Variants in ABCA13 observed in about 807,000 individuals in gnomAD.
ABCA13 encodes ATP binding cassette subfamily A member 13.
In ABCA13, 476 loss-of-function variants were observed where a neutral mutation model predicts 478.7. The ratio of observed to expected loss-of-function variants is 0.99; its 90% CI spans 0.92 to 1.07. ABCA13 has a LOEUF of 1.07. Ranked by LOEUF, ABCA13 falls within the 50% of genes least tolerant of loss-of-function variation. The pLI is 0.00. For synonymous variants in ABCA13, 2,252 were observed against 2,158.9 expected, an observed-to-expected ratio of 1.04 and a Z score of -1.20; for missense variants, 6,060 against 5,910.6, an observed-to-expected ratio of 1.03 and a Z score of -0.83.
At chr7:48,348,210 G>A (rs542748353) in intron 29 of ABCA13, among the ~76,000 whole-genome samples, 1 of 152,308 alleles carries the variant, frequency 6.6e-6, no homozygotes, top group African/African-American at 2.4e-5. Context: ...GGCCTCACTG[G>A]TGGGCCTTAC....
chr7:48,317,096 C>G (rs181393599), intron 26 of ABCA13, 61 bp from the exon 27 acceptor site: 27 of 1,537,610 alleles, frequency 1.8e-5, no homozygotes, highest in Non-Finnish European at 2.1e-5. Context: ...GAATGAATTT[C>G]CCTATTAACC....
At chr7:48,399,962 T>G (rs1260035443) in intron 38 of ABCA13, among the ~76,000 whole-genome samples, 4 of 152,216 alleles carry the variant, frequency 2.6e-5, no homozygotes, top group Non-Finnish European at 4.4e-5. Flanking sequence ...TTGTATGGTT[T>G]TCCATGTATT....
rs759121212 is a variant in ABCA13 at position 48,507,903 on chromosome 7, C to T, written c.13378C>T (p.Leu4460Phe). The change falls in exon 50 of 62, where the codon CTC (leucine) becomes TTC (phenylalanine). Residue 4460 changes from leucine to phenylalanine, a missense_variant. Coordinates refer to ENST00000435803, the MANE Select transcript of ABCA13 (RefSeq NM_152701.5). ...GAGCATCCGTCAGTGTGGAGTGGCC[C>T]TCTGCATCGTGCTGGGATTCTCCAT... ...LESIRQCGVA[L>F]CIVLGFSILS... The T allele has an allele frequency of 1.9e-6, 3 of 1,612,148 alleles. No individual in the cohort carries two copies. The highest frequency in any genetic ancestry group is 2.5e-6 in the Non-Finnish European group (3 of 1,179,266).
intron 42 of ABCA13, among the ~76,000 whole-genome samples, chr7:48,428,339 G>A (rs1356154017): frequency 6.6e-6 from 1 of 152,138 alleles, no homozygotes; most frequent in East Asian, 1.9e-4. Context: ...TTCAGCTTTT[G>A]TATGCAGCCT....
At chr7:48,367,734 A>G (rs1811896906) in intron 31 of ABCA13, 60 bp from the exon 32 acceptor site, 1 of 1,333,580 alleles carries the variant, frequency 7.5e-7, no homozygotes, top group Non-Finnish European at 1.1e-6. Context: ...AGAAAAATGT[A>G]AAAAATTAGT....
chr7:48,585,808 A>T (rs1017631784), intron 56 of ABCA13, among the ~76,000 whole-genome samples: 6 of 152,212 alleles, frequency 3.9e-5, no homozygotes, highest in African/African-American at 1.2e-4. Context: ...ATGAATCTAT[A>T]TTAATACTTC....
At chr7:48,422,201 C>CT (rs1348851779) in intron 41 of ABCA13, among the ~76,000 whole-genome samples, 1 of 146,910 alleles carries the variant, frequency 6.8e-6, no homozygotes, top group Non-Finnish European at 1.5e-5. Flanking sequence ...TTGTTTTTTT[C>CT]TTTTTTTTCT....
chr7:48,293,876 T>G (rs1182661157), intron 20 of ABCA13, among the ~76,000 whole-genome samples: 1 of 151,886 alleles, frequency 6.6e-6, no homozygotes, highest in Admixed American at 6.6e-5. Flanking sequence ...ACTTCTGGAG[T>G]CTTTCCAGAT....
At chr7:48,309,085 C>G (rs138634745) in intron 23 of ABCA13, among the ~76,000 whole-genome samples, 1 of 145,754 alleles carries the variant, frequency 6.9e-6, no homozygotes, top group Non-Finnish European at 1.5e-5. Context: ...TTCTGTTTCT[C>G]TGGAGGACCC....
At position 48,175,665 on chromosome 7, in the gene ABCA13, C is replaced by A. The variant is rs543172007; in HGVS notation, c.69+4113C>A. Among the ~76,000 whole-genome samples, 196 of 152,290 alleles carry A rather than the reference C, an allele frequency of 1.3e-3. 1 individual carries two copies. Among genetic ancestry groups the A allele is most frequent in the Admixed American group, 3.3e-3 (50 of 15,300 alleles). ...AGAACTCCTGACCTCAGGGGAGCCA[C>A]CCGCCTTGGCCTCCCCAAGTGGTGG... On this transcript the variant is annotated intron_variant, in intron 1 of 61. Transcript: ENST00000435803.
intron 2 of ABCA13, among the ~76,000 whole-genome samples, chr7:48,193,949 T>C (rs1286501960): frequency 9.0e-6 from 1 of 110,848 alleles, no homozygotes; most frequent in African/African-American, 3.4e-5. Context: ...ATAGTAATGA[T>C]GTGATCATTA....
At chr7:48,416,908 G>C (rs956688802) in intron 41 of ABCA13, among the ~76,000 whole-genome samples, 3 of 151,154 alleles carry the variant, frequency 2.0e-5, no homozygotes, top group African/African-American at 7.3e-5. Flanking sequence ...TTCTAAACCA[G>C]TCTTGGAATC....
intron 38 of ABCA13, among the ~76,000 whole-genome samples, chr7:48,400,985 A>C (rs1220943654): frequency 2.0e-5 from 3 of 152,256 alleles, no homozygotes; most frequent in African/African-American, 7.2e-5. Flanking sequence ...GGGGTGAGAC[A>C]CTTAACAGGT....
chr7:48,394,377 C>T (rs1816523952), intron 38 of ABCA13, among the ~76,000 whole-genome samples: 3 of 152,164 alleles, frequency 2.0e-5, no homozygotes, highest in South Asian at 4.1e-4. Flanking sequence ...CCCTTCGCTG[C>T]GTTCGTGTTG....
intron 55 of ABCA13, among the ~76,000 whole-genome samples, chr7:48,563,059 A>G (rs1786632884): frequency 6.6e-6 from 1 of 152,138 alleles, no homozygotes; most frequent in Non-Finnish European, 1.5e-5. Context: ...TGCATTTGGC[A>G]TGATCATTTA....
At chr7:48,428,479 T>TG (rs2129138944) in intron 42 of ABCA13, among the ~76,000 whole-genome samples, 1 of 152,296 alleles carries the variant, frequency 6.6e-6, no homozygotes, top group South Asian at 2.1e-4. Flanking sequence ...AGCTGAGCTC[T>TG]AGGGATGTGG....
chr7:48,411,841 C>G (rs189380160), intron 40 of ABCA13, among the ~76,000 whole-genome samples: 1 of 152,276 alleles, frequency 6.6e-6, no homozygotes, highest in African/African-American at 2.4e-5. Flanking sequence ...GTATTTGACC[C>G]TTGGTGGCCC....
chr7:48,588,649 C>T (rs1485148237), intron 57 of ABCA13, among the ~76,000 whole-genome samples: 1 of 152,178 alleles, frequency 6.6e-6, no homozygotes, highest in East Asian at 1.9e-4. Context: ...GAAAATTTTC[C>T]TGATAATAGT....
intron 20 of ABCA13, among the ~76,000 whole-genome samples, chr7:48,294,425 GT>G (rs370890353): frequency 0.25 from 19,669 of 80,022 alleles, 1,535 homozygotes; most frequent in East Asian, 0.46. Context: ...GTTTCTATGG[GT>G]TTTTTTTTTT....
Sources: gnomAD v4.1 joint callset for allele counts (sites outside exome capture counted in the v4.1 genomes callset) on GRCh38, gnomAD v4.1.1 for gene constraint, MANE v1.5 for transcripts, NCBI Gene and HGNC (gene_info 2026-07-23, HGNC 2026-07-21) for gene names.